Variants in CD79B observed in about 807,000 individuals in gnomAD.
The protein encoded by CD79B is B-cell antigen receptor complex-associated protein beta chain.
In CD79B, 7 loss-of-function variants were observed where a neutral mutation model predicts 30.0. The ratio of observed to expected loss-of-function variants is 0.23; its 90% CI spans 0.13 to 0.44. CD79B has a LOEUF of 0.44. CD79B is among the 20% of genes least tolerant of loss of function. CD79B has a pLI of 1.00. For missense variants in CD79B, 218 were observed against 299.1 expected (o/e 0.73, Z 2.00); for synonymous variants, 118 against 119.2 (o/e 0.99, Z 0.07).
chr17:63,931,741 C>CTT (rs78942438), intron 1 of CD79B: 264 of 280,608 alleles, frequency 9.4e-4, no homozygotes, highest in South Asian at 2.1e-3. Flanking sequence ...CCCTGTCTCT[C>CTT]TTTTTTTTTT....
rs1225788993 is a variant in CD79B at position 63,928,919 on chromosome 17, G to C, written c.*307C>G. 1 of 487,174 alleles carries C rather than the reference G, an allele frequency of 2.1e-6. No homozygotes were observed. The highest frequency in any genetic ancestry group is 3.8e-6 in the Non-Finnish European group (1 of 264,312). 30.2% of individuals were successfully genotyped at this position (487,174 alleles called of 1,614,324 possible). A position where few individuals can be genotyped will look rare whatever the true frequency, so the allele number is the denominator to read the frequency against. On this transcript the variant is annotated 3_prime_UTR_variant, in exon 6 of 6. Transcript: ENST00000006750. ...CCCTCGGCTCCGAGTCCATTTGCGG[G>C]CTCTGGACCAGTCTCTGCCTCCCCC...
rs1908175670 is a variant in CD79B, at chr17:63,932,207, G to A, written c.55C>T (p.Leu19=). ...VPSHWMVALL[L]LLSAEPVPAA... ...GTGGGTTCTGTACCTGAGAGCAGCAGCAGCAACGCCACCATCCAGTGGCTG... is the reference window on the plus strand; with the variant it reads ...GTGGGTTCTGTACCTGAGAGCAGCAACAGCAACGCCACCATCCAGTGGCTG... Residue 19 remains leucine, a synonymous_variant, in exon 1 of 6, where the codon CTG becomes TTG. Coordinates refer to ENST00000006750, the MANE Select transcript of CD79B (RefSeq NM_000626.4). The A allele has an allele frequency of 2.5e-6, 4 of 1,613,094 alleles. No homozygotes were observed. Among genetic ancestry groups the A allele is most frequent in the Non-Finnish European group, 3.4e-6 (4 of 1,179,946 alleles).
At chr17:63,930,425 T>C in intron 2 of CD79B, 40 bp from the exon 3 acceptor site, 1 of 1,573,502 alleles carries the variant, frequency 6.4e-7, no homozygotes, top group Non-Finnish European at 8.7e-7. Context: ...CCGCTTGGCA[T>C]CTTCCTGAGT....
In CD79B at chr17:63,931,361, G is replaced by C. The variant is rs750544228; in HGVS notation, c.92C>G (p.Ser31Trp). 9 of 1,614,038 alleles carry C rather than the reference G, an allele frequency of 5.6e-6. No homozygotes were observed. Among genetic ancestry groups the C allele is most frequent in the Middle Eastern group, 1.6e-4 (1 of 6,062 alleles). Residue 31 changes from serine to tryptophan, a missense_variant, in exon 2 of 6, where the codon TCG becomes TGG. Physicochemically the swap from Ser to Trp is radical, Grantham distance 177. Coordinates refer to ENST00000006750, the MANE Select transcript of CD79B (RefSeq NM_000626.4). Reference sequence around the variant, plus strand: ...TTTGGGATTCCGGTACCGGTCCTCCGATCTGGCTGCTGGTACTGGCTCAGC... The same window carrying C: ...TTTGGGATTCCGGTACCGGTCCTCCCATCTGGCTGCTGGTACTGGCTCAGC... ...LSAEPVPAAR[S>W]EDRYRNPKGS... is the part of the protein sequence containing the mutation.
rs761766071 is a variant in CD79B at position 63,928,962 on chromosome 17, G to A, written c.*264C>T. On this transcript the variant is annotated 3_prime_UTR_variant, in exon 6 of 6. Coordinates refer to ENST00000006750, the MANE Select transcript of CD79B (RefSeq NM_000626.4). Reference sequence around the variant, plus strand: ...CCTCCCCCATCCCATGTGTGGGGACGGATCACCTCATAGCACCCCCAGAAG... The same window carrying A: ...CCTCCCCCATCCCATGTGTGGGGACAGATCACCTCATAGCACCCCCAGAAG... 9.1e-6 allele frequency: 5 copies of A among 546,646 alleles called. No homozygotes were observed. The South Asian group carries it at 1.0e-4, about 11-fold the overall frequency. The allele number at this position is 546,646 out of a possible 1,614,324, so 33.9% of individuals were successfully genotyped here. A position where few individuals can be genotyped will look rare whatever the true frequency, so the allele number is the denominator to read the frequency against.
chr17:63,930,267 C>T lies in CD79B; in HGVS notation c.237G>A (p.Lys79=). ...GCTGGGGATTCTCGTCCATCTCCTG[C>T]TTCCAGAGCCAGCTCACATTGCCGG... The part of the protein sequence containing the change: ...SASGNVSWLW[K]QEMDENPQQL... The change falls in exon 3 of 6, where the codon AAG becomes AAA. Residue 79 remains lysine, a synonymous_variant. Transcript: ENST00000006750. 6.2e-7 allele frequency: 1 copy of T among 1,614,230 alleles called. No homozygotes were observed. The highest frequency in any genetic ancestry group is 1.1e-5 in the South Asian group (1 of 91,088).
chr17:63,929,049 C>T lies in CD79B; in HGVS notation c.*177G>A. ...GTTGCTGCCCTGTTGTCCTTCTACT[C>T]CAGGCCCTTTGGCAAGAGCTGGGGA... On this transcript the variant is annotated 3_prime_UTR_variant, in exon 6 of 6. Transcript: ENST00000006750. The T allele has an allele frequency of 1.5e-6, 1 of 645,480 alleles. No individual in the cohort carries two copies. Among genetic ancestry groups the T allele is most frequent in the Non-Finnish European group, 2.8e-6 (1 of 357,270 alleles). The allele number at this position is 645,480 out of a possible 1,614,324, so 40.0% of individuals were successfully genotyped here.
intron 2 of CD79B, chr17:63,930,959 G>C (rs1309742796): frequency 1.2e-5 from 4 of 345,998 alleles, no homozygotes; most frequent in Non-Finnish European, 2.2e-5. Flanking sequence ...TGTTCTTAGT[G>C]AGCACTGCCC....
At position 63,929,305 on chromosome 17, in the gene CD79B, G is replaced by C; in HGVS notation, c.611C>G (p.Thr204Arg). 1.9e-6 allele frequency: 3 copies of C among 1,613,926 alleles called. No homozygotes were observed. Among genetic ancestry groups the C allele is most frequent in the Non-Finnish European group, 2.5e-6 (3 of 1,179,834 alleles). The part of the protein sequence containing the change: ...HTYEGLDIDQ[T>R]ATYEDIVTLR... The stretch of plus-strand genomic sequence containing the variant: ...CGTCACTATGTCCTCATAGGTGGCT[G>C]TCTGGTCAATGTCCAGGCCCTGGAG... The change falls in exon 6 of 6, where the codon ACA (threonine) becomes AGA (arginine). Residue 204 changes from threonine to arginine, a missense_variant. Coordinates refer to ENST00000006750, the MANE Select transcript of CD79B (RefSeq NM_000626.4).
Position 63,928,835 on chromosome 17 carries a change from C to T in CD79B, c.*391G>A. The T allele has an allele frequency of 5.1e-6, 2 of 391,676 alleles. No individual in the cohort carries two copies. Among genetic ancestry groups the T allele is most frequent in the South Asian group, 3.0e-5 (1 of 33,162 alleles). The allele number at this position is 391,676 out of a possible 1,614,324, so 24.3% of individuals were successfully genotyped here. ...GTGGTTGCGGGAGAGGAATGATGTT[C>T]CTGTGGCTCTTCTGGGGCCCAGTTG... On this transcript the variant is annotated 3_prime_UTR_variant, in exon 6 of 6. Coordinates refer to ENST00000006750, the MANE Select transcript of CD79B (RefSeq NM_000626.4).
chr17:63,929,901 G>T lies in CD79B; in HGVS notation c.431-13C>A. Reference sequence around the variant, plus strand: ...AAGGTGCTGAATCCTGCGGGGACAGGGGTGGGGTTGTGAGCCTGGGCCACA... The same window carrying T: ...AAGGTGCTGAATCCTGCGGGGACAGTGGTGGGGTTGTGAGCCTGGGCCACA... On this transcript the variant is annotated splice_polypyrimidine_tract_variant and intron_variant, in intron 3 of 5. Transcript: ENST00000006750. 1 of 1,600,364 alleles carries T rather than the reference G, an allele frequency of 6.2e-7. No homozygotes were observed. The highest frequency in any genetic ancestry group is 8.6e-7 in the Non-Finnish European group (1 of 1,167,782).
intron 2 of CD79B, 119 bp downstream of exon 2, chr17:63,931,216 G>T: frequency 1.0e-6 from 1 of 976,508 alleles, no homozygotes; most frequent in Non-Finnish European, 1.7e-6. Context: ...TGGGAATCCT[G>T]GATGGGGAGA....
intron 1 of CD79B, 79 bp downstream of exon 1, chr17:63,932,116 C>G (rs564288150): frequency 8.0e-7 from 1 of 1,256,956 alleles, no homozygotes; most frequent in African/African-American, 1.5e-5. Flanking sequence ...GAGGGTGGAG[C>G]AAGCAGGAGG....
Position 63,929,446 on chromosome 17 carries a change from A to T in CD79B, c.579T>A (p.Asp193Glu). The change falls in exon 5 of 6, where the codon GAT becomes GAA. Residue 193 changes from aspartate to glutamate, a missense_variant. Coordinates refer to ENST00000006750, the MANE Select transcript of CD79B (RefSeq NM_000626.4). ...CCCCTCTCCTTACCTCGTAGGTGTG[A>T]TCTTCCTCCATGCCAGCCTTGCTGT... ...KDDSKAGMEE[D>E]HTYEGLDIDQ... is the part of the protein sequence containing the mutation. 5 of 1,613,840 alleles carry T rather than the reference A, an allele frequency of 3.1e-6. No homozygotes were observed. Among genetic ancestry groups the T allele is most frequent in the African/African-American group, 1.3e-5 (1 of 74,992 alleles).
At chr17:63,931,685 C>T (rs1183177766) in intron 1 of CD79B, among the ~76,000 whole-genome samples, 1 of 151,444 alleles carries the variant, frequency 6.6e-6, no homozygotes, top group Non-Finnish European at 1.5e-5. Flanking sequence ...ACAGGAGGAT[C>T]GCTTGGGTCC....
In CD79B at chr17:63,931,340, G is replaced by A. The variant is rs1015311105; in HGVS notation, c.113C>T (p.Pro38Leu). 6.2e-7 allele frequency: 1 copy of A among 1,613,910 alleles called. No individual in the cohort carries two copies. The highest frequency in any genetic ancestry group is 8.5e-7 in the Non-Finnish European group (1 of 1,180,004). The change falls in exon 2 of 6, where the codon CCC (proline) becomes CTC (leucine). Residue 38 changes from proline to leucine, a missense_variant. Physicochemically the swap from Pro to Leu is moderately conservative, Grantham distance 98. Coordinates refer to ENST00000006750, the MANE Select transcript of CD79B (RefSeq NM_000626.4). ...CGGCAGGCGAGGCTACTGACCTTTG[G>A]GATTCCGGTACCGGTCCTCCGATCT... ...AARSEDRYRN[P>L]KGSACSRIWQ... is the part of the protein sequence containing the mutation.
chr17:63,929,377 A>C (rs201727151), intron 5 of CD79B, 53 bp from the exon 6 acceptor site: 2 of 1,610,066 alleles, frequency 1.2e-6, no homozygotes, highest in Non-Finnish European at 8.5e-7. Flanking sequence ...CCACACCAGC[A>C]GATAGTGGCC....
rs182359327 is a variant in CD79B at position 63,928,998 on chromosome 17, G to A, written c.*228C>T. 1.6e-3 allele frequency: 962 copies of A among 591,868 alleles called. 16 individuals carry two copies. The South Asian group carries it at 0.017, about 10-fold the overall frequency. The allele number at this position is 591,868 out of a possible 1,614,324, so 36.7% of individuals were successfully genotyped here. A position where few individuals can be genotyped will look rare whatever the true frequency, so the allele number is the denominator to read the frequency against. ...TAGCACCCCCAGAAGGCTGGGTCCC[G>A]TCCATCCCCAGAGAACTCCCTCCAA... On this transcript the variant is annotated 3_prime_UTR_variant, in exon 6 of 6. Transcript: ENST00000006750.
chr17:63,930,515 G>T (rs1555599039), intron 2 of CD79B, 130 bp from the exon 3 acceptor site: 1 of 846,212 alleles, frequency 1.2e-6, no homozygotes, highest in Non-Finnish European at 1.9e-6. Context: ...GTGTGGGACA[G>T]GCAGGAGGCT....
Sources: gnomAD v4.1 joint callset for allele counts (sites outside exome capture counted in the v4.1 genomes callset) on GRCh38, gnomAD v4.1.1 for gene constraint, MANE v1.5 for transcripts, NCBI Gene and HGNC (gene_info 2026-07-23, HGNC 2026-07-21) for gene names.